KCTD16: variants seen among roughly 807,000 people sequenced by gnomAD.
The protein encoded by KCTD16 is BTB/POZ domain-containing protein KCTD16.
KCTD16 carries 13 observed loss-of-function variants against 33.2 expected under a neutral mutation model. The observed-to-expected ratio is 0.39, with a 90% CI of 0.25 to 0.62. The LOEUF (loss-of-function observed/expected upper bound fraction) is 0.62. Ranked by LOEUF, KCTD16 falls within the 20% of genes least tolerant of loss-of-function variation. The probability of loss-of-function intolerance (pLI) is 0.50; values close to 1 mark genes in which losing one functional copy is unlikely to be tolerated. For synonymous variants in KCTD16, 197 were observed against 195.3 expected (o/e 1.01, Z -0.07); for missense variants, 441 against 525.1 (o/e 0.84, Z 1.57).
At chr5:144,250,784 C>T (rs1251253102) in intron 3 of KCTD16, among the ~76,000 whole-genome samples, 2 of 152,092 alleles carry the variant, frequency 1.3e-5, no homozygotes, top group Admixed American at 6.6e-5. Flanking sequence ...CTAACAATAT[C>T]TATATGTCAT....
In KCTD16 at chr5:144,444,840, A is replaced by AATAT. The variant is rs531025892; in HGVS notation, c.833-28807_833-28804dup. Reference sequence around the variant, plus strand: ...TCCATAGTATGCTCTTTCAAAATGTAATATATATATATATATGTGTGTGTG... The same window carrying AATAT: ...TCCATAGTATGCTCTTTCAAAATGTAATATATATATATATATATATGTGTGTGTG... On this transcript the variant is annotated intron_variant, in intron 3 of 3. Coordinates refer to ENST00000512467, the MANE Select transcript of KCTD16 (RefSeq NM_020768.4). Among the ~76,000 whole-genome samples the AATAT allele has an allele frequency of 3.4e-5, 5 of 148,462 alleles. No individual in the cohort carries two copies. The East Asian group carries it at 5.9e-4, about 17-fold the overall frequency.
intron 2 of KCTD16, among the ~76,000 whole-genome samples, chr5:144,178,614 C>T (rs550314158): frequency 2.0e-5 from 3 of 152,080 alleles, no homozygotes; most frequent in Non-Finnish European, 2.9e-5. Context: ...TCATAAATCC[C>T]CTGCTGTCTG....
intron 3 of KCTD16, among the ~76,000 whole-genome samples, chr5:144,399,310 A>G (rs774478516): frequency 3.3e-5 from 5 of 152,088 alleles, no homozygotes; most frequent in Non-Finnish European, 7.4e-5. Context: ...CCTACCATTA[A>G]CTAATGTTTT....
intron 3 of KCTD16, among the ~76,000 whole-genome samples, chr5:144,375,636 T>C (rs1192427481): frequency 6.6e-6 from 1 of 152,172 alleles, no homozygotes; most frequent in African/African-American, 2.4e-5. Flanking sequence ...TGCTGTTGTA[T>C]GAGAGAAAAT....
chr5:144,449,479 C>CCCATGTATATATCTAGT (rs1753893683), intron 3 of KCTD16, among the ~76,000 whole-genome samples: 1 of 151,920 alleles, frequency 6.6e-6, no homozygotes, highest in Admixed American at 6.6e-5. Context: ...TGGTATCAGA[C>CCCATGTATATATCTAGT]TTCCTAGTTT....
intron 3 of KCTD16, among the ~76,000 whole-genome samples, chr5:144,388,042 T>A (rs1487110330): frequency 6.3e-5 from 9 of 143,780 alleles, no homozygotes; most frequent in African/African-American, 2.0e-4. Context: ...GGAAAAAAAA[T>A]CCAGAGTTCA....
At chr5:144,343,299 A>G (rs1299208190) in intron 3 of KCTD16, among the ~76,000 whole-genome samples, 1 of 151,862 alleles carries the variant, frequency 6.6e-6, no homozygotes, top group Non-Finnish European at 1.5e-5. Flanking sequence ...TTCCTGGTTT[A>G]GTCTTGGGAG....
intron 3 of KCTD16, among the ~76,000 whole-genome samples, chr5:144,432,465 G>A (rs1366087109): frequency 6.6e-6 from 1 of 152,090 alleles, no homozygotes; most frequent in Non-Finnish European, 1.5e-5. Context: ...AACATTTTTA[G>A]TAAACTTTTT....
At chr5:144,249,860 C>G (rs988538397) in intron 3 of KCTD16, among the ~76,000 whole-genome samples, 3 of 152,082 alleles carry the variant, frequency 2.0e-5, no homozygotes, top group Non-Finnish European at 4.4e-5. Context: ...GATGTTCTTT[C>G]CAAATAACAT....
intron 3 of KCTD16, among the ~76,000 whole-genome samples, chr5:144,278,620 C>CCCGAG (rs1755508940): frequency 6.6e-6 from 1 of 151,362 alleles, no homozygotes; most frequent in African/African-American, 2.4e-5. Context: ...GCCTCAGCCT[C>CCCGAG]CCGAGTAGCT....
chr5:144,396,224 AAGG>A (rs1222294543), intron 3 of KCTD16, among the ~76,000 whole-genome samples: 1 of 152,084 alleles, frequency 6.6e-6, no homozygotes, highest in Non-Finnish European at 1.5e-5. Flanking sequence ...CCTTACATTT[AAGG>A]AGAAGAGGCG....
At chr5:144,317,996 A>G (rs1162587890) in intron 3 of KCTD16, among the ~76,000 whole-genome samples, 1 of 152,176 alleles carries the variant, frequency 6.6e-6, no homozygotes, top group Non-Finnish European at 1.5e-5. Context: ...GAATGAACAA[A>G]TGATTTGGGG....
chr5:144,263,295 A>G lies in KCTD16; in HGVS notation c.832+55749A>G, dbSNP rs1755060405. Among the ~76,000 whole-genome samples the G allele has an allele frequency of 2.0e-5, 3 of 152,212 alleles. No homozygotes were observed. In the South Asian group the frequency reaches 6.2e-4, roughly 32 times the overall value. On this transcript the variant is annotated intron_variant, in intron 3 of 3. Coordinates refer to ENST00000512467, the MANE Select transcript of KCTD16 (RefSeq NM_020768.4). ...TGTTGGTGGCAAGGGCATCAAGATT[A>G]AATAAAACAGATTCACATTTTCGTA...
intron 2 of KCTD16, among the ~76,000 whole-genome samples, chr5:144,179,966 G>A (rs1465955903): frequency 6.6e-6 from 1 of 152,188 alleles, no homozygotes; most frequent in Non-Finnish European, 1.5e-5. Context: ...CCCTGTGGGT[G>A]CTTGCAAGTT....
At chr5:144,304,189 A>G (rs1056342205) in intron 3 of KCTD16, among the ~76,000 whole-genome samples, 4 of 152,182 alleles carry the variant, frequency 2.6e-5, no homozygotes, top group African/African-American at 9.7e-5. Context: ...TAGATAGAAT[A>G]AAAAAAGACC....
intron 3 of KCTD16, among the ~76,000 whole-genome samples, chr5:144,268,613 C>A (rs1167582574): frequency 2.6e-5 from 4 of 152,068 alleles, no homozygotes; most frequent in Non-Finnish European, 5.9e-5. Context: ...AAAAAGTAGA[C>A]CCTGGTTTAT....
chr5:144,212,475 A>C (rs774024243), intron 3 of KCTD16, among the ~76,000 whole-genome samples: 8 of 152,148 alleles, frequency 5.3e-5, no homozygotes, highest in Non-Finnish European at 1.2e-4. Flanking sequence ...TGATACATTA[A>C]AATATATATG....
At chr5:144,361,947 T>TGTGA (rs1491210958) in intron 3 of KCTD16, among the ~76,000 whole-genome samples, 2 of 141,704 alleles carry the variant, frequency 1.4e-5, no homozygotes, top group Admixed American at 7.3e-5. Flanking sequence ...TGTGTGTGTG[T>TGTGA]GATATATTTA....
chr5:144,446,406 C>T (rs899921579), intron 3 of KCTD16, among the ~76,000 whole-genome samples: 8 of 151,916 alleles, frequency 5.3e-5, no homozygotes, highest in African/African-American at 1.7e-4. Context: ...AAAATTAACT[C>T]AAGATGGAAT....
Sources: gnomAD v4.1 joint callset for allele counts (sites outside exome capture counted in the v4.1 genomes callset) on GRCh38, gnomAD v4.1.1 for gene constraint, MANE v1.5 for transcripts, NCBI Gene and HGNC (gene_info 2026-07-23, HGNC 2026-07-21) for gene names.